ZNF33B: variants seen among roughly 807,000 people sequenced by gnomAD.
The protein encoded by ZNF33B is zinc finger protein 33B, also known as zinc finger protein 11b (KOX 2).
Under a neutral mutation model 45.8 loss-of-function variants are expected in ZNF33B, and 29 were observed. That is an observed-to-expected ratio of 0.63 (90% confidence interval 0.47 to 0.86). ZNF33B has a LOEUF of 0.86. ZNF33B is among the 40% of genes least tolerant of loss of function. The probability of loss-of-function intolerance (pLI) is 0.00; values close to 1 mark genes in which losing one functional copy is unlikely to be tolerated. For missense variants in ZNF33B, 831 were observed against 909.9 expected (o/e 0.91, Z 1.12); for synonymous variants, 305 against 307.8 (o/e 0.99, Z 0.10).
At position 42,579,370 on chromosome 10, in the gene ZNF33B, C is replaced by T. The variant is rs17157480; in HGVS notation, c.74-4692G>A. ...ACCCTTGCCCTATGTATGTTTAACC[C>T]AGAAAGTCCAAATTTGGTTTTCACA... On this transcript the variant is annotated intron_variant, in intron 1 of 1. Transcript: ENST00000462075. Among the ~76,000 whole-genome samples, 786 of 152,222 alleles carry T rather than the reference C, an allele frequency of 5.2e-3. 24 individuals are homozygous for T. In the South Asian group the frequency reaches 0.07, roughly 14 times the overall value.
At chr10:42,621,023 C>T (rs118106337) in intron 4 of ZNF33B, among the ~76,000 whole-genome samples, 5,640 of 152,060 alleles carry the variant, frequency 0.037, 154 homozygotes, top group South Asian at 0.099. Flanking sequence ...ACAGTTCTTA[C>T]AGTTAATAGT....
downstream of ZNF33B, among the ~76,000 whole-genome samples, chr10:42,587,286 G>A (rs1287948482): frequency 1.3e-5 from 2 of 152,102 alleles, no homozygotes; most frequent in South Asian, 4.1e-4. Flanking sequence ...TGCAACATCC[G>A]CCTCCTGGAT....
chr10:42,603,496 T>C (rs181967812), intron 4 of ZNF33B, among the ~76,000 whole-genome samples: 1 of 152,348 alleles, frequency 6.6e-6, no homozygotes, highest in African/African-American at 2.4e-5. Context: ...GATGTCTTCC[T>C]ATCTACCAGA....
chr10:42,582,603 C>G (rs1283166983), intron 1 of ZNF33B: 1 of 153,248 alleles, frequency 6.5e-6, no homozygotes, highest in Non-Finnish European at 1.5e-5. Flanking sequence ...ACCCAGGGAC[C>G]TTTCCTTTGG....
chr10:42,604,384 G>T (rs1300924794), intron 4 of ZNF33B, among the ~76,000 whole-genome samples: 7 of 152,122 alleles, frequency 4.6e-5, no homozygotes, highest in African/African-American at 1.4e-4. Flanking sequence ...GGCAGAGGTT[G>T]CAGTGAGCTG....
In ZNF33B at chr10:42,592,637, G is replaced by A. The variant is rs773789669; in HGVS notation, c.2313C>T (p.His771=). ...TTCATTCATAAGGTTTTTCTCCTAT[G>A]TGTGTTCTCTGATGTACAATGAGAT... ...KSNLIVHQRT[H]IGEKPYE Residue 771 remains histidine, a synonymous_variant, in exon 5 of 5, where the codon CAC becomes CAT. Transcript: ENST00000359467. The A allele has an allele frequency of 1.8e-5, 29 of 1,613,370 alleles. No homozygotes were observed. The highest frequency in any genetic ancestry group is 3.3e-5 in the Admixed American group (2 of 59,946).
At chr10:42,620,473 A>T (rs149774133) in intron 4 of ZNF33B, among the ~76,000 whole-genome samples, 4 of 151,738 alleles carry the variant, frequency 2.6e-5, no homozygotes, top group African/African-American at 9.7e-5. Context: ...CACAAACAGG[A>T]CTCAATGCAC....
In ZNF33B at chr10:42,594,283, T is replaced by A. The variant is rs146798153; in HGVS notation, c.667A>T (p.Ile223Leu). 3.1e-6 allele frequency: 5 copies of A among 1,613,912 alleles called. No individual in the cohort carries two copies. In the East Asian group the frequency reaches 1.1e-4, roughly 36 times the overall value. ...QTLDHNFEYS[I>L]CQETLLEKAV... is the part of the protein sequence containing the mutation. ...TTTTCAAGGAGGGTTTCCTGACATA[T>A]ACTGTATTCAAAATTGTGGTCTAAA... Residue 223 changes from isoleucine to leucine, a missense_variant, in exon 5 of 5, where the codon ATA (isoleucine) becomes TTA (leucine). Coordinates refer to ENST00000359467, the MANE Select transcript of ZNF33B (RefSeq NM_006955.3).
chr10:42,633,772 A>G (rs1371528763), intron 2 of ZNF33B, among the ~76,000 whole-genome samples: 1 of 152,206 alleles, frequency 6.6e-6, no homozygotes, highest in East Asian at 1.9e-4. Flanking sequence ...GTTCGAGACC[A>G]GCCTGACCAA....
chr10:42,581,287 T>A (rs1315517649), intron 1 of ZNF33B, among the ~76,000 whole-genome samples: 1 of 151,620 alleles, frequency 6.6e-6, no homozygotes, highest in East Asian at 1.9e-4. Flanking sequence ...GCCAACATGG[T>A]GAAACCTCGT....
intron 1 of ZNF33B, chr10:42,581,624 G>A (rs1211065138): frequency 6.6e-6 from 1 of 152,176 alleles, no homozygotes; most frequent in African/African-American, 2.4e-5. Context: ...TAATGTATTT[G>A]TTGCCCCCAC....
chr10:42,627,061 G>A (rs1161065258), intron 4 of ZNF33B, among the ~76,000 whole-genome samples: 1 of 151,072 alleles, frequency 6.6e-6, no homozygotes, highest in Admixed American at 6.6e-5. Context: ...AGAATGCAAT[G>A]GTGCAATCTC....
chr10:42,628,652 A>G (rs1359988416), intron 4 of ZNF33B, among the ~76,000 whole-genome samples: 1 of 152,216 alleles, frequency 6.6e-6, no homozygotes, highest in East Asian at 1.9e-4. Context: ...ATGTTTGTAC[A>G]GTTTATCTTT....
chr10:42,632,428 C>A lies in ZNF33B; in HGVS notation c.21G>T (p.Lys7Asn), dbSNP rs148282748. 2.1e-4 allele frequency: 342 copies of A among 1,613,114 alleles called. No homozygotes were observed. The highest frequency in any genetic ancestry group is 2.4e-4 in the Non-Finnish European group (282 of 1,179,854). Residue 7 changes from lysine to asparagine, a missense_variant, in exon 3 of 5, where the codon AAG (lysine) becomes AAT (asparagine). Transcript: ENST00000359467. MNKVDQ[K>N]FQGSVSFKDV... ...CTTTAAATGATACTGACCCCTGGAA[C>A]TTCTGATCTACCTGAAATGTTCAGA...
chr10:42,623,607 G>A (rs1256773674), intron 4 of ZNF33B, among the ~76,000 whole-genome samples: 1 of 152,192 alleles, frequency 6.6e-6, no homozygotes, highest in Non-Finnish European at 1.5e-5. Context: ...CTACTGACAT[G>A]AAATATTCAC....
At chr10:42,613,682 G>A (rs181624216) in intron 4 of ZNF33B, among the ~76,000 whole-genome samples, 1 of 152,280 alleles carries the variant, frequency 6.6e-6, no homozygotes, top group Non-Finnish European at 1.5e-5. Flanking sequence ...AAGAGTTGAA[G>A]GTTTAAGTAT....
intron 4 of ZNF33B, among the ~76,000 whole-genome samples, chr10:42,597,411 T>C (rs12242012): frequency 0.064 from 9,726 of 152,152 alleles, 968 homozygotes; most frequent in African/African-American, 0.21. Flanking sequence ...AACAGTTTTG[T>C]TGTAATAAAC....
intron 4 of ZNF33B, 35 bp downstream of exon 4, chr10:42,631,894 C>T (rs1237557657): frequency 1.3e-6 from 2 of 1,553,724 alleles, no homozygotes; most frequent in African/African-American, 1.4e-5. Context: ...CAACAAATCC[C>T]CTGATGTGAA....
chr10:42,628,586 T>C (rs1187436755), intron 4 of ZNF33B, among the ~76,000 whole-genome samples: 1 of 152,248 alleles, frequency 6.6e-6, no homozygotes, highest in Non-Finnish European at 1.5e-5. Context: ...GTTCTTTTTG[T>C]CTAATAGTTT....
Sources: allele counts gnomAD v4.1 joint callset (sites outside exome capture counted in the v4.1 genomes callset), GRCh38; gene constraint gnomAD v4.1.1; transcripts MANE v1.5; gene names NCBI Gene and HGNC (gene_info 2026-07-23, HGNC 2026-07-21).